PDLIM5: variants seen among roughly 807,000 people sequenced by gnomAD.
The protein encoded by PDLIM5 is PDZ and LIM domain protein 5.
In PDLIM5, 34 loss-of-function variants were observed where a neutral mutation model predicts 64.2. That is an observed-to-expected ratio of 0.53 (90% CI 0.40 to 0.71). PDLIM5 has a LOEUF of 0.71. Ranked by LOEUF, PDLIM5 falls within the 30% of genes least tolerant of loss-of-function variation. PDLIM5 has a pLI of 0.00. For synonymous variants in PDLIM5, 253 were observed against 269.1 expected, an observed-to-expected ratio of 0.94 and a Z score of 0.59; for missense variants, 683 against 733.6, an observed-to-expected ratio of 0.93 and a Z score of 0.80.
At chr4:94,617,184 G>A (rs1257002573) in intron 7 of PDLIM5, among the ~76,000 whole-genome samples, 1 of 152,084 alleles carries the variant, frequency 6.6e-6, no homozygotes, top group Non-Finnish European at 1.5e-5. Flanking sequence ...TATAATTTGG[G>A]CTACCTAGAA....
intron 3 of PDLIM5, among the ~76,000 whole-genome samples, chr4:94,561,718 C>G (rs1052374057): frequency 1.3e-5 from 2 of 152,142 alleles, no homozygotes; most frequent in Non-Finnish European, 2.9e-5. Context: ...GTTTTTCTCC[C>G]ACCAAGGAAT....
chr4:94,603,201 A>T (rs74358859), intron 7 of PDLIM5, among the ~76,000 whole-genome samples: 1 of 152,186 alleles, frequency 6.6e-6, no homozygotes, highest in Non-Finnish European at 1.5e-5. Flanking sequence ...TCCTAACTGC[A>T]GTAGGAATTT....
At position 94,612,392 on chromosome 4, in the gene PDLIM5, A is replaced by C. The variant is rs189768976; in HGVS notation, c.921-5612A>C. 3.6e-3 allele frequency among the ~76,000 whole-genome samples: 549 copies of C among 152,312 alleles called. 12 individuals carry two copies. Among genetic ancestry groups the C allele is most frequent in the East Asian group, 1.5e-3 (8 of 5,196 alleles). ...AGAATATTGTGAGTGTTCATTGAGC[A>C]GAAGTCTTTCATTGTCAGGGCTGAG... is the stretch of plus-strand genomic sequence containing the variant. On this transcript the variant is annotated intron_variant, in intron 7 of 12. Coordinates refer to ENST00000317968, the MANE Select transcript of PDLIM5 (RefSeq NM_006457.5).
At chr4:94,653,495 A>G (rs2110487056) in intron 9 of PDLIM5, among the ~76,000 whole-genome samples, 1 of 152,294 alleles carries the variant, frequency 6.6e-6, no homozygotes, top group East Asian at 1.9e-4. Flanking sequence ...GATTCCTGCC[A>G]AGCAAACCAA....
At chr4:94,553,525 T>C (rs1733000547) in intron 3 of PDLIM5, among the ~76,000 whole-genome samples, 3 of 152,220 alleles carry the variant, frequency 2.0e-5, no homozygotes, top group Admixed American at 2.0e-4. Flanking sequence ...ATTCAACTTT[T>C]TCATTCTTAT....
chr4:94,481,682 C>T (rs1318979116), intron 2 of PDLIM5, among the ~76,000 whole-genome samples: 1 of 152,052 alleles, frequency 6.6e-6, no homozygotes, highest in Non-Finnish European at 1.5e-5. Context: ...GATCTCCGCT[C>T]ACTTTAAGCT....
At chr4:94,636,004 G>A (rs1740528747) in intron 8 of PDLIM5, among the ~76,000 whole-genome samples, 1 of 152,216 alleles carries the variant, frequency 6.6e-6, no homozygotes, top group African/African-American at 2.4e-5. Context: ...GTAACGGAAA[G>A]CAAGGCTTTT....
At chr4:94,627,171 G>A (rs1233998133) in intron 8 of PDLIM5, among the ~76,000 whole-genome samples, 1 of 152,092 alleles carries the variant, frequency 6.6e-6, no homozygotes, top group Admixed American at 6.6e-5. Flanking sequence ...CCCTCTTGCC[G>A]TAAAGCCCTG....
chr4:94,606,262 A>C (rs536631867), intron 7 of PDLIM5, among the ~76,000 whole-genome samples: 2 of 152,338 alleles, frequency 1.3e-5, no homozygotes, highest in South Asian at 4.1e-4. Context: ...ACAAATAACG[A>C]CACAAATTGT....
In PDLIM5 at chr4:94,608,839, T is replaced by C. The variant is rs368400466; in HGVS notation, c.921-9165T>C. On this transcript the variant is annotated intron_variant, in intron 7 of 12. Coordinates refer to ENST00000317968, the MANE Select transcript of PDLIM5 (RefSeq NM_006457.5). ...TTATTATTCCCTTTGACATTCATGT[T>C]ACCTACCCTGCTCTGCCATTGATAA... 1.0e-3 allele frequency among the ~76,000 whole-genome samples: 157 copies of C among 152,324 alleles called. 4 individuals carry two copies. The South Asian group carries it at 0.025, about 24-fold the overall frequency.
chr4:94,611,012 C>T, intron 7 of PDLIM5: 1 of 1,319,558 alleles, frequency 7.6e-7, no homozygotes, highest in South Asian at 1.3e-5. Context: ...TTAAGAACTA[C>T]TGTCTGCTAT....
rs563116162 is a variant in PDLIM5 at position 94,496,695 on chromosome 4, T to C, written c.97-27029T>C. Reference sequence around the variant, plus strand: ...TGTAGAGACAGGGTTTTACCATGTTTCCCAGGCTGGCCTAGAACTCCTGGG... The same window carrying C: ...TGTAGAGACAGGGTTTTACCATGTTCCCCAGGCTGGCCTAGAACTCCTGGG... On this transcript the variant is annotated intron_variant, in intron 2 of 12. Transcript: ENST00000317968. 2.6e-5 allele frequency among the ~76,000 whole-genome samples: 4 copies of C among 152,216 alleles called. No individual in the cohort carries two copies. In the East Asian group the frequency reaches 7.7e-4, roughly 29 times the overall value.
chr4:94,650,865 A>C (rs1741791602), intron 9 of PDLIM5, among the ~76,000 whole-genome samples: 1 of 151,560 alleles, frequency 6.6e-6, no homozygotes, highest in South Asian at 2.1e-4. Flanking sequence ...ACAGGGTGAA[A>C]AGTTTCATGC....
At chr4:94,503,750 G>T (rs963438612) in intron 2 of PDLIM5, among the ~76,000 whole-genome samples, 3 of 152,170 alleles carry the variant, frequency 2.0e-5, no homozygotes, top group African/African-American at 7.2e-5. Flanking sequence ...AAGGTCATTT[G>T]AACATCTAAC....
intron 8 of PDLIM5, among the ~76,000 whole-genome samples, chr4:94,633,926 G>C (rs753610952): frequency 2.6e-5 from 4 of 152,042 alleles, no homozygotes; most frequent in African/African-American, 4.8e-5. Context: ...GTGAACAACT[G>C]GAGAAAAGAT....
chr4:94,652,094 T>C (rs1181122977), intron 9 of PDLIM5, among the ~76,000 whole-genome samples: 1 of 152,242 alleles, frequency 6.6e-6, no homozygotes, highest in Non-Finnish European at 1.5e-5. Flanking sequence ...CTTTGTCAAA[T>C]ATTTGATAGC....
intron 9 of PDLIM5, among the ~76,000 whole-genome samples, chr4:94,643,838 A>AG (rs1741194388): frequency 6.6e-6 from 1 of 152,212 alleles, no homozygotes; most frequent in Non-Finnish European, 1.5e-5. Flanking sequence ...CAGTTTACCA[A>AG]GGAAAAACAT....
At chr4:94,579,595 TG>T in intron 5 of PDLIM5, 1 of 890,832 alleles carries the variant, frequency 1.1e-6, no homozygotes, top group Non-Finnish European at 1.7e-6. Context: ...GTAAACAGCA[TG>T]AATGCCTGAT....
chr4:94,664,187 G>T lies in PDLIM5; in HGVS notation c.*120G>T, dbSNP rs535433464. 8.1e-7 allele frequency: 1 copy of T among 1,239,774 alleles called. No individual in the cohort carries two copies. Among genetic ancestry groups the T allele is most frequent in the Non-Finnish European group, 1.0e-6 (1 of 980,638 alleles). The allele number at this position is 1,239,774 out of a possible 1,614,324, so 76.8% of individuals were successfully genotyped here. The stretch of plus-strand genomic sequence containing the variant: ...TTGAAAAATAATAGTGGCCCTGAAG[G>T]AATAAATTCCAGCTTTAAAAACCAA... On this transcript the variant is annotated 3_prime_UTR_variant, in exon 13 of 13. Coordinates refer to ENST00000317968, the MANE Select transcript of PDLIM5 (RefSeq NM_006457.5).
Sources: gnomAD v4.1 joint callset for allele counts (sites outside exome capture counted in the v4.1 genomes callset) on GRCh38, gnomAD v4.1.1 for gene constraint, MANE v1.5 for transcripts, NCBI Gene and HGNC (gene_info 2026-07-23, HGNC 2026-07-21) for gene names.